Variants in TFG observed in about 807,000 individuals in gnomAD.
TFG encodes protein TFG.
TFG carries 22 observed loss-of-function variants against 51.4 expected under a neutral mutation model. The observed-to-expected ratio is 0.43, with a 90% CI of 0.31 to 0.61. The LOEUF (loss-of-function observed/expected upper bound fraction) is 0.61. Among genes scored for constraint, TFG ranks in the 20% least tolerant of loss-of-function variants. The pLI is 0.12. For missense variants in TFG, 419 were observed against 487.7 expected, an observed-to-expected ratio of 0.86 and a Z score of 1.33; for synonymous variants, 187 against 165.6, an observed-to-expected ratio of 1.13 and a Z score of -0.99.
intron 3 of TFG, among the ~76,000 whole-genome samples, chr3:100,721,516 G>A (rs749579157): frequency 3.3e-5 from 5 of 152,176 alleles, no homozygotes; most frequent in Non-Finnish European, 5.9e-5. Flanking sequence ...ACCTTGGGCC[G>A]TCAGGGGCTT....
At chr3:100,721,117 C>G (rs1468086097) in intron 3 of TFG, among the ~76,000 whole-genome samples, 1 of 152,112 alleles carries the variant, frequency 6.6e-6, no homozygotes, top group Admixed American at 6.5e-5. Context: ...TATCTTTTTA[C>G]AGTATTGAAT....
rs1340222685 is a variant in TFG, at chr3:100,729,416, TTAAGA to T, written c.415+562_415+566del. Among the ~76,000 whole-genome samples, 4 of 152,182 alleles carry T rather than the reference TTAAGA, an allele frequency of 2.6e-5. No individual in the cohort carries two copies. In the East Asian group the frequency reaches 7.7e-4, roughly 29 times the overall value. On this transcript the variant is annotated intron_variant, in intron 4 of 7. Coordinates refer to ENST00000240851, the MANE Select transcript of TFG (RefSeq NM_006070.6). ...TGTATAATGACATGTACTGTTTGTG[TTAAGA>T]TAAAGCAAAATGTGTCAACATTTGG...
intron 1 of TFG, among the ~76,000 whole-genome samples, chr3:100,710,545 G>C (rs954165994): frequency 4.6e-5 from 7 of 152,190 alleles, no homozygotes; most frequent in African/African-American, 1.4e-4. Context: ...CTCCCCTCAG[G>C]AGGTGCTTAA....
rs1489122340 is a variant in TFG, at chr3:100,713,692, G to A, written c.7G>A (p.Gly3Arg). 8 of 1,598,358 alleles carry A rather than the reference G, an allele frequency of 5.0e-6. No individual in the cohort carries two copies. The highest frequency in any genetic ancestry group is 2.2e-5 in the East Asian group (1 of 44,648). Reference sequence around the variant, plus strand: ...GAACATCCTGGAGTCCACCATGAACGGACAGTTGGATCTAAGTGGGAAGCT... The same window carrying A: ...GAACATCCTGGAGTCCACCATGAACAGACAGTTGGATCTAAGTGGGAAGCT... MN[G>R]QLDLSGKLII... The change falls in exon 2 of 8, where the codon GGA becomes AGA. Residue 3 changes from glycine (G) to arginine (R), a missense_variant. Transcript: ENST00000240851.
At position 100,713,902 on chromosome 3, in the gene TFG, C is replaced by CT. The variant is rs139169678; in HGVS notation, c.184+38dup. ...TGTTTTTAAAGCTATTTTTTAAAGT[C>CT]TTTTTAAAAAAAAAAAAAAAAAGAC... On this transcript the variant is annotated intron_variant, in intron 2 of 7. Transcript: ENST00000240851. 0.047 allele frequency: 39,110 copies of CT among 840,822 alleles called. 115 individuals carry two copies. Among genetic ancestry groups the CT allele is most frequent in the South Asian group, 0.068 (1,966 of 28,796 alleles). The allele number at this position is 840,822 out of a possible 1,614,324, so 52.1% of individuals were successfully genotyped here.
intron 3 of TFG, among the ~76,000 whole-genome samples, chr3:100,726,316 C>G (rs1159308032): frequency 6.6e-6 from 1 of 152,168 alleles, no homozygotes; most frequent in Non-Finnish European, 1.5e-5. Context: ...TTTGTGATAG[C>G]TGCACTGGCA....
At chr3:100,725,706 A>G (rs1238726695) in intron 3 of TFG, among the ~76,000 whole-genome samples, 1 of 151,688 alleles carries the variant, frequency 6.6e-6, no homozygotes. Flanking sequence ...AGACATGAGA[A>G]TTGCTGAACC....
chr3:100,719,710 G>A (rs567281839), intron 2 of TFG, among the ~76,000 whole-genome samples: 1 of 152,210 alleles, frequency 6.6e-6, no homozygotes, highest in Admixed American at 6.5e-5. Context: ...AAATATTAAG[G>A]CACTTAATGG....
chr3:100,719,676 A>G (rs983167025), intron 2 of TFG, among the ~76,000 whole-genome samples: 2 of 152,222 alleles, frequency 1.3e-5, no homozygotes, highest in African/African-American at 4.8e-5. Context: ...ATTGCTCTCT[A>G]TGAATCTCTT....
In TFG at chr3:100,713,667, G is replaced by T; in HGVS notation, c.-19G>T. On this transcript the variant is annotated 5_prime_UTR_variant, in exon 2 of 8. Transcript: ENST00000240851. ...GTCTTTCTCTAGAGTTGTATATATAGAACATCCTGGAGTCCACCATGAACG... is the reference window on the plus strand; with the variant it reads ...GTCTTTCTCTAGAGTTGTATATATATAACATCCTGGAGTCCACCATGAACG... 6.4e-7 allele frequency: 1 copy of T among 1,556,920 alleles called. No individual in the cohort carries two copies. The highest frequency in any genetic ancestry group is 1.2e-5 in the South Asian group (1 of 82,202).
At chr3:100,747,138 T>TG (rs2095136944) in intron 7 of TFG, among the ~76,000 whole-genome samples, 3 of 152,204 alleles carry the variant, frequency 2.0e-5, no homozygotes, top group African/African-American at 7.2e-5. Flanking sequence ...TTGAGAGATA[T>TG]GGAAATAGTC....
At chr3:100,746,925 T>C (rs969507218) in intron 7 of TFG, among the ~76,000 whole-genome samples, 5 of 152,166 alleles carry the variant, frequency 3.3e-5, no homozygotes, top group Admixed American at 6.5e-5. Context: ...TTGTATGACA[T>C]TCAGAATTTT....
chr3:100,731,188 CA>C (rs1463945262), intron 4 of TFG, among the ~76,000 whole-genome samples: 2 of 152,262 alleles, frequency 1.3e-5, no homozygotes, highest in African/African-American at 4.8e-5. Flanking sequence ...TGCTTGGTAA[CA>C]AAAGTGATAA....
At chr3:100,727,803 A>G (rs1200393343) in intron 3 of TFG, among the ~76,000 whole-genome samples, 1 of 152,100 alleles carries the variant, frequency 6.6e-6, no homozygotes, top group African/African-American at 2.4e-5. Flanking sequence ...CATGATGTAG[A>G]TAAGTTCTGC....
rs374210483 is a variant in TFG, at chr3:100,713,907, TAAAA to T, written c.184+52_184+55del. The T allele has an allele frequency of 6.0e-5, 54 of 899,040 alleles. No individual in the cohort carries two copies. The Middle Eastern group carries it at 1.2e-3, about 20-fold the overall frequency. The allele number at this position is 899,040 out of a possible 1,614,324, so 55.7% of individuals were successfully genotyped here. A position where few individuals can be genotyped will look rare whatever the true frequency, so the allele number is the denominator to read the frequency against. On this transcript the variant is annotated intron_variant, in intron 2 of 7. Coordinates refer to ENST00000240851, the MANE Select transcript of TFG (RefSeq NM_006070.6). ...TTAAAGCTATTTTTTAAAGTCTTTT[TAAAA>T]AAAAAAAAAAAAAGACAGAGCCTCT... is the stretch of plus-strand genomic sequence containing the variant.
chr3:100,713,906 TTA>T (rs1491588042), intron 2 of TFG, 37 bp downstream of exon 2: 3 of 1,272,444 alleles, frequency 2.4e-6, no homozygotes, highest in East Asian at 2.6e-5. Context: ...TAAAGTCTTT[TTA>T]AAAAAAAAAA....
intron 4 of TFG, among the ~76,000 whole-genome samples, chr3:100,730,315 GTTTATAC>G (rs1372881216): frequency 6.6e-6 from 1 of 151,982 alleles, no homozygotes; most frequent in East Asian, 1.9e-4. Context: ...TCTTGCTACT[GTTTATAC>G]TTTATTCTTT....
intron 2 of TFG, among the ~76,000 whole-genome samples, chr3:100,719,419 A>T (rs994025049): frequency 6.6e-6 from 1 of 152,198 alleles, no homozygotes; most frequent in African/African-American, 2.4e-5. Context: ...CACGGTCATA[A>T]ATACACACTG....
intron 3 of TFG, among the ~76,000 whole-genome samples, chr3:100,725,313 T>A (rs776123523): frequency 6.6e-6 from 1 of 152,148 alleles, no homozygotes; most frequent in Non-Finnish European, 1.5e-5. Context: ...ATTATAATTA[T>A]ATACAACAAA....
Sources: gnomAD v4.1 joint callset for allele counts (sites outside exome capture counted in the v4.1 genomes callset) on GRCh38, gnomAD v4.1.1 for gene constraint, MANE v1.5 for transcripts, NCBI Gene and HGNC (gene_info 2026-07-23, HGNC 2026-07-21) for gene names.